Variants in KCNMA1 observed in about 807,000 individuals in gnomAD.
KCNMA1 encodes the protein potassium calcium-activated channel subfamily M alpha 1, also known as Calcium-activated potassium channel subunit alpha-1.
In KCNMA1, 29 loss-of-function variants were observed where a neutral mutation model predicts 140.0. The ratio of observed to expected loss-of-function variants is 0.21; its 90% confidence interval spans 0.15 to 0.28. KCNMA1 has a LOEUF of 0.28. KCNMA1 is among the 10% of genes least tolerant of loss of function. The pLI is 1.00. For synonymous variants in KCNMA1, 612 were observed against 611.9 expected (o/e 1.00, Z 0.00); for missense variants, 880 against 1,602.2 (o/e 0.55, Z 7.70).
At chr10:77,036,488 T>G (rs71475629) in intron 15 of KCNMA1, among the ~76,000 whole-genome samples, 3,457 of 152,356 alleles carry the variant, frequency 0.023, 62 homozygotes, top group South Asian at 0.055. Context: ...AGCACATTTA[T>G]TTCTTTCCAT....
chr10:77,028,315 G>A (rs1022482348), intron 15 of KCNMA1, among the ~76,000 whole-genome samples: 23 of 152,012 alleles, frequency 1.5e-4, no homozygotes, highest in Non-Finnish European at 7.4e-5. Context: ...TTGTTGTTCC[G>A]AGCAGACCCC....
At chr10:77,007,651 G>GTATATATATATA (rs1419890065) in intron 18 of KCNMA1, among the ~76,000 whole-genome samples, 1 of 8,398 alleles carries the variant, frequency 1.2e-4, no homozygotes, top group Non-Finnish European at 3.1e-4. Flanking sequence ...TATTGTGTGT[G>GTATATATATATA]TGTATATATA....
chr10:77,029,613 T>C (rs895780396), intron 15 of KCNMA1, among the ~76,000 whole-genome samples: 21 of 152,130 alleles, frequency 1.4e-4, no homozygotes, highest in African/African-American at 4.6e-4. Flanking sequence ...AAGTTCTATG[T>C]TGAAAATAAA....
chr10:77,357,792 T>C (rs1209692686), intron 2 of KCNMA1, among the ~76,000 whole-genome samples: 1 of 152,212 alleles, frequency 6.6e-6, no homozygotes, highest in Non-Finnish European at 1.5e-5. Flanking sequence ...TCAGATTCTC[T>C]TCATGACTTA....
chr10:77,191,156 A>C (rs1186304879), intron 3 of KCNMA1, among the ~76,000 whole-genome samples: 3 of 152,182 alleles, frequency 2.0e-5, no homozygotes, highest in African/African-American at 7.2e-5. Flanking sequence ...ACTGGAATAA[A>C]AGCATCTAGC....
chr10:77,161,318 G>T (rs2098551843), intron 5 of KCNMA1, among the ~76,000 whole-genome samples: 1 of 152,130 alleles, frequency 6.6e-6, no homozygotes, highest in South Asian at 2.1e-4. Flanking sequence ...CATGATTATG[G>T]CTCTGAGCAG....
intron 2 of KCNMA1, among the ~76,000 whole-genome samples, chr10:77,324,973 G>C (rs3125429): frequency 0.31 from 25,152 of 80,772 alleles, 2,963 homozygotes; most frequent in Non-Finnish European, 0.41. Context: ...CTCTCTCTCT[G>C]TGTGTGTGTG....
intron 5 of KCNMA1, among the ~76,000 whole-genome samples, chr10:77,172,012 C>A (rs1189014390): frequency 6.6e-6 from 1 of 152,140 alleles, no homozygotes; most frequent in Non-Finnish European, 1.5e-5. Context: ...TCACTCCTAG[C>A]ACCTAGGGAT....
At chr10:77,008,598 T>C (rs1283193364) in intron 18 of KCNMA1, among the ~76,000 whole-genome samples, 10 of 152,030 alleles carry the variant, frequency 6.6e-5, no homozygotes. Flanking sequence ...TGACGTGAAA[T>C]GTTGAAGGTT....
chr10:77,366,742 G>A (rs959880638), intron 2 of KCNMA1, among the ~76,000 whole-genome samples: 1 of 152,188 alleles, frequency 6.6e-6, no homozygotes, highest in South Asian at 2.1e-4. Context: ...TACAAATGTG[G>A]ATGAACCCTA....
intron 2 of KCNMA1, chr10:77,376,763 C>G (rs1424523422): frequency 1.3e-5 from 2 of 151,740 alleles, no homozygotes; most frequent in African/African-American, 4.8e-5. Context: ...CATGGTGAAA[C>G]CCCATCTCTA....
chr10:77,286,780 G>T (rs1294428767), intron 2 of KCNMA1, among the ~76,000 whole-genome samples: 1 of 79,696 alleles, frequency 1.3e-5, no homozygotes, highest in Non-Finnish European at 2.6e-5. Context: ...GGGGGGGGGG[G>T]GGTTCCATTC....
intron 1 of KCNMA1, among the ~76,000 whole-genome samples, chr10:77,430,785 C>T (rs145641443): frequency 1.8e-3 from 274 of 152,296 alleles, no homozygotes; most frequent in Non-Finnish European, 3.2e-3. Context: ...AAAGCTGATT[C>T]GTCTTTGTAT....
chr10:76,975,610 A>C (rs1258638706), intron 19 of KCNMA1, among the ~76,000 whole-genome samples: 1 of 152,212 alleles, frequency 6.6e-6, no homozygotes, highest in Admixed American at 6.5e-5. Flanking sequence ...AGGATCAGGC[A>C]AGCCAGGCAA....
At chr10:77,299,647 G>A (rs1474200630) in intron 2 of KCNMA1, among the ~76,000 whole-genome samples, 1 of 152,126 alleles carries the variant, frequency 6.6e-6, no homozygotes, top group Non-Finnish European at 1.5e-5. Context: ...CCACGTCAAG[G>A]AATTTGAGAA....
rs748730785 is a variant in KCNMA1, at chr10:76,877,742, A to C, written c.3576T>G (p.Cys1192Trp). 9.7e-6 allele frequency: 15 copies of C among 1,553,130 alleles called. No homozygotes were observed. In the South Asian group the frequency reaches 1.8e-4, roughly 18 times the overall value. ...AATAGTTCTGGTCTCCTGGGAGTCA[A>C]CATTCATCTTCAACTTCTCTGATTG... is the stretch of plus-strand genomic sequence containing the variant. Residue 1192 changes from cysteine (C) to tryptophan (W), a missense_variant, in exon 30 of 30, where the codon TGT (cysteine) becomes TGG (tryptophan). Physicochemically the swap from Cys to Trp is radical, Grantham distance 215 (BLOSUM62 -2). Transcript: ENST00000372403.
At chr10:77,467,282 C>G (rs2098045852) in intron 1 of KCNMA1, among the ~76,000 whole-genome samples, 1 of 152,236 alleles carries the variant, frequency 6.6e-6, no homozygotes, top group Non-Finnish European at 1.5e-5. Flanking sequence ...GTTGGCAGGA[C>G]ATGTTTCACA....
intron 2 of KCNMA1, among the ~76,000 whole-genome samples, chr10:77,278,727 C>T (rs372106076): frequency 5.3e-5 from 8 of 152,126 alleles, no homozygotes; most frequent in Non-Finnish European, 1.0e-4. Context: ...CATGACGATT[C>T]GTTAAAGAAT....
At chr10:77,414,790 G>A (rs2096703213) in intron 1 of KCNMA1, among the ~76,000 whole-genome samples, 1 of 152,154 alleles carries the variant, frequency 6.6e-6, no homozygotes, top group South Asian at 2.1e-4. Context: ...ACGCCTGGCT[G>A]CAAGGTAGGA....
Sources: allele counts gnomAD v4.1 joint callset (sites outside exome capture counted in the v4.1 genomes callset), GRCh38; gene constraint gnomAD v4.1.1; transcripts MANE v1.5; gene names NCBI Gene and HGNC (gene_info 2026-07-23, HGNC 2026-07-21).